FAM227B: variants seen among roughly 807,000 people sequenced by gnomAD.
The protein encoded by FAM227B is family with sequence similarity 227 member B, also known as protein FAM227B.
A neutral mutation model predicts 73.8 loss-of-function variants in FAM227B; 88 were observed. The ratio of observed to expected loss-of-function variants is 1.19; its 90% CI spans 1.00 to 1.42. The LOEUF (loss-of-function observed/expected upper bound fraction) is 1.42, where lower values mean the gene tolerates loss of function less well. Among genes scored for constraint, FAM227B ranks in the 40% most tolerant of loss-of-function variants. The pLI, the probability that FAM227B is intolerant of heterozygous loss-of-function variation, is 0.00. For missense variants in FAM227B, 632 were observed against 590.9 expected (o/e 1.07, Z -0.72); for synonymous variants, 210 against 190.5 (o/e 1.10, Z -0.84).
chr15:49,582,109 G>C (rs1026994309), intron 5 of FAM227B, among the ~76,000 whole-genome samples: 5 of 152,166 alleles, frequency 3.3e-5, no homozygotes, highest in Admixed American at 3.3e-4. Flanking sequence ...CATGATGACA[G>C]GATCAAATCA....
intron 11 of FAM227B, among the ~76,000 whole-genome samples, chr15:49,460,276 T>C (rs2053675121): frequency 6.6e-6 from 1 of 152,196 alleles, no homozygotes; most frequent in Admixed American, 6.6e-5. Flanking sequence ...ATTACTTACA[T>C]AGTACATAAG....
rs57123974 is a variant in FAM227B at position 49,525,665 on chromosome 15, AATATATATATATATATATATATATATAT to A, written c.874+15987_874+16014del. Among the ~76,000 whole-genome samples, 201 of 81,504 alleles carry A rather than the reference AATATATATATATATATATATATATATAT, an allele frequency of 2.5e-3. 8 individuals are homozygous for A. The highest frequency in any genetic ancestry group is 0.023 in the Middle Eastern group (3 of 130). The allele number at this position is 81,504 out of a possible 152,430, so 53.5% of individuals were successfully genotyped here. A position where few individuals can be genotyped will look rare whatever the true frequency, so the allele number is the denominator to read the frequency against. ...GAGACTCAAAGTTAAAGGGTGGAGA[AATATATATATATATATATATATATATAT>A]ATATATATATATATATATATATATA... On this transcript the variant is annotated intron_variant, in intron 10 of 15. Transcript: ENST00000299338.
rs113344552 is a variant in FAM227B at position 49,431,625 on chromosome 15, A to T, written c.1013-60226T>A. Reference sequence around the variant, plus strand: ...AGAAGAAAGTAATCTCTTCTACTGGAGTGGTCATGAGTACTTGATAGAGTC... The same window carrying T: ...AGAAGAAAGTAATCTCTTCTACTGGTGTGGTCATGAGTACTTGATAGAGTC... On this transcript the variant is annotated intron_variant, in intron 11 of 15. Transcript: ENST00000299338. Among the ~76,000 whole-genome samples, 564 of 151,864 alleles carry T rather than the reference A, an allele frequency of 3.7e-3. 3 individuals are homozygous for T. Among genetic ancestry groups the T allele is most frequent in the African/African-American group, 0.013 (535 of 41,496 alleles).
chr15:49,596,243 C>T (rs1236359541), intron 3 of FAM227B, among the ~76,000 whole-genome samples: 1 of 151,904 alleles, frequency 6.6e-6, no homozygotes. Context: ...AGAGGAAAAC[C>T]TATCAGATTA....
chr15:49,566,985 A>T (rs373981513), intron 9 of FAM227B, among the ~76,000 whole-genome samples: 1 of 152,160 alleles, frequency 6.6e-6, no homozygotes, highest in East Asian at 1.9e-4. Flanking sequence ...GGGATACACA[A>T]TGTTACCACC....
In FAM227B at chr15:49,328,304, T is replaced by C; in HGVS notation, c.*264A>G. 4 of 1,437,348 alleles carry C rather than the reference T, an allele frequency of 2.8e-6. No homozygotes were observed. The highest frequency in any genetic ancestry group is 2.7e-6 in the Non-Finnish European group (3 of 1,099,234). 89.0% of individuals were successfully genotyped at this position (1,437,348 alleles called of 1,614,324 possible). On this transcript the variant is annotated 3_prime_UTR_variant, in exon 16 of 16. Coordinates refer to ENST00000299338, the MANE Select transcript of FAM227B (RefSeq NM_152647.3). ...TCAAGATATATTTTCAAAGAAATGG[T>C]TGAAAGCTCTCTATGCTTCATAATG...
chr15:49,327,837 AC>A lies in FAM227B; in HGVS notation c.*730del. The A allele has an allele frequency of 1.1e-6, 1 of 941,324 alleles. No homozygotes were observed. Among genetic ancestry groups the A allele is most frequent in the Non-Finnish European group, 1.6e-6 (1 of 642,846 alleles). 58.3% of individuals were successfully genotyped at this position (941,324 alleles called of 1,614,324 possible). On this transcript the variant is annotated 3_prime_UTR_variant, in exon 16 of 16. Transcript: ENST00000299338. The stretch of plus-strand genomic sequence containing the variant: ...CTAAAATGTTTGATGACACCTAAAA[AC>A]CCCGCATGTATTTTCTTCTTAGAAC...
intron 11 of FAM227B, among the ~76,000 whole-genome samples, chr15:49,459,731 T>C (rs2053625451): frequency 1.3e-5 from 2 of 152,140 alleles, no homozygotes; most frequent in Non-Finnish European, 2.9e-5. Flanking sequence ...CAGGCTATAG[T>C]TCATGACATA....
At chr15:49,597,211 A>G (rs1295251001) in intron 3 of FAM227B, among the ~76,000 whole-genome samples, 1 of 152,106 alleles carries the variant, frequency 6.6e-6, no homozygotes, top group African/African-American at 2.4e-5. Context: ...AAGATAGACC[A>G]TGTGACAGGC....
chr15:49,453,351 A>T (rs2052955052), intron 11 of FAM227B, among the ~76,000 whole-genome samples: 1 of 152,020 alleles, frequency 6.6e-6, no homozygotes. Context: ...CCATTTGCTC[A>T]CCTCCGCCTC....
At chr15:49,485,405 C>T (rs1183502552) in intron 11 of FAM227B, 2 of 151,912 alleles carry the variant, frequency 1.3e-5, no homozygotes, top group Admixed American at 6.6e-5. Flanking sequence ...CCTATGGTTA[C>T]AGCATTAAAC....
chr15:49,387,008 T>C (rs1223607520), intron 11 of FAM227B, among the ~76,000 whole-genome samples: 6 of 151,548 alleles, frequency 4.0e-5, no homozygotes, highest in Admixed American at 6.6e-5. Flanking sequence ...AATTTAAAAA[T>C]TGTCAACAAA....
chr15:49,600,296 T>C (rs1004278087), intron 3 of FAM227B, among the ~76,000 whole-genome samples: 2 of 152,110 alleles, frequency 1.3e-5, no homozygotes, highest in African/African-American at 4.8e-5. Context: ...TCTATGTGTG[T>C]CCTTAAAGCT....
In FAM227B at chr15:49,551,890, C is replaced by T. The variant is rs113192038; in HGVS notation, c.748-10084G>A. 4.7e-3 allele frequency among the ~76,000 whole-genome samples: 708 copies of T among 152,152 alleles called. 8 individuals are homozygous for T. The highest frequency in any genetic ancestry group is 0.016 in the African/African-American group (670 of 41,482). ...AAACTCAATGGTTTAAATTTGTCCC[C>T]CCACTTTTTAACTCTTTGTTGTTTC... On this transcript the variant is annotated intron_variant, in intron 9 of 15. Coordinates refer to ENST00000299338, the MANE Select transcript of FAM227B (RefSeq NM_152647.3).
intron 11 of FAM227B, among the ~76,000 whole-genome samples, chr15:49,495,308 A>G (rs2057498403): frequency 6.6e-6 from 1 of 152,204 alleles, no homozygotes; most frequent in African/African-American, 2.4e-5. Flanking sequence ...TTTGAAATAT[A>G]CATATTCTCC....
In FAM227B at chr15:49,568,290, T is replaced by G; in HGVS notation, c.702A>C (p.Thr234=). The part of the protein sequence containing the change: ...LFDRISESYV[T]LFMSIPLSRK... ...GACTTAGAGGTATGCTCATGAAAAG[T>G]GTCACATAACTTTCTGAAATTCTAT... Residue 234 remains threonine (T), a synonymous_variant, in exon 9 of 16, where the codon ACA becomes ACC. Coordinates refer to ENST00000299338, the MANE Select transcript of FAM227B (RefSeq NM_152647.3). The G allele has an allele frequency of 6.2e-7, 1 of 1,611,472 alleles. No individual in the cohort carries two copies. Among genetic ancestry groups the G allele is most frequent in the Non-Finnish European group, 8.5e-7 (1 of 1,178,806 alleles).
At chr15:49,442,058 G>A (rs1458943702) in intron 11 of FAM227B, among the ~76,000 whole-genome samples, 1 of 151,476 alleles carries the variant, frequency 6.6e-6, no homozygotes, top group Non-Finnish European at 1.5e-5. Flanking sequence ...ATGTGTTCAA[G>A]TAATTGAATT....
intron 9 of FAM227B, among the ~76,000 whole-genome samples, chr15:49,557,179 ATTCC>A (rs1230090060): frequency 2.0e-5 from 3 of 152,142 alleles, no homozygotes; most frequent in Non-Finnish European, 4.4e-5. Context: ...GGTAGCAGAT[ATTCC>A]TTCTGGCTGC....
At chr15:49,475,012 T>C (rs1392631647) in intron 11 of FAM227B, among the ~76,000 whole-genome samples, 1 of 152,142 alleles carries the variant, frequency 6.6e-6, no homozygotes, top group Non-Finnish European at 1.5e-5. Context: ...TAGAATAAAC[T>C]ATATTTCAGA....
Sources: allele counts gnomAD v4.1 joint callset (sites outside exome capture counted in the v4.1 genomes callset), GRCh38; gene constraint gnomAD v4.1.1; transcripts MANE v1.5; gene names NCBI Gene and HGNC (gene_info 2026-07-23, HGNC 2026-07-21).